CNTNAP2: variants seen among roughly 807,000 people sequenced by gnomAD.
The protein encoded by CNTNAP2 is contactin associated protein 2.
Under a neutral mutation model 155.2 loss-of-function variants are expected in CNTNAP2, and 98 were observed. The observed-to-expected ratio is 0.63, with a 90% CI of 0.54 to 0.75. CNTNAP2 has a LOEUF of 0.75. CNTNAP2 is among the 30% of genes least tolerant of loss of function. CNTNAP2 has a pLI of 0.00. For synonymous variants in CNTNAP2, 651 were observed against 631.2 expected (o/e 1.03, Z -0.47); for missense variants, 1,727 against 1,688.1 (o/e 1.02, Z -0.40).
intron 8 of CNTNAP2, among the ~76,000 whole-genome samples, chr7:147,145,415 A>G (rs1801682732): frequency 1.3e-5 from 2 of 152,104 alleles, no homozygotes; most frequent in Non-Finnish European, 2.9e-5. Context: ...AAAGCACAGG[A>G]CAATACCTAC....
At chr7:147,198,946 A>G (rs1361307977) in intron 8 of CNTNAP2, among the ~76,000 whole-genome samples, 2 of 150,812 alleles carry the variant, frequency 1.3e-5, no homozygotes, top group Non-Finnish European at 3.0e-5. Flanking sequence ...TAACTAGCTA[A>G]TCAAAGGACT....
chr7:146,532,675 C>T (rs1229586797), intron 1 of CNTNAP2, among the ~76,000 whole-genome samples: 1 of 152,062 alleles, frequency 6.6e-6, no homozygotes, highest in Non-Finnish European at 1.5e-5. Context: ...ATTTAACTTC[C>T]TCTTACTAAC....
intron 15 of CNTNAP2, among the ~76,000 whole-genome samples, chr7:147,989,218 G>A (rs545521274): frequency 5.9e-5 from 9 of 152,322 alleles, no homozygotes; most frequent in Non-Finnish European, 1.0e-4. Flanking sequence ...AACAGGCCAC[G>A]CTTAGGCCAG....
intron 15 of CNTNAP2, among the ~76,000 whole-genome samples, chr7:148,066,988 A>AT (rs1173215219): frequency 2.0e-5 from 3 of 151,524 alleles, no homozygotes; most frequent in Non-Finnish European, 4.4e-5. Context: ...TTCTCTAGAG[A>AT]TTTTTTTGTC....
intron 21 of CNTNAP2, among the ~76,000 whole-genome samples, chr7:148,283,308 G>GAAAGAAAGAAAGAAAGAAAGAAAGAAAGA (rs1563024795): frequency 1.1e-4 from 7 of 62,246 alleles, no homozygotes; most frequent in Admixed American, 1.8e-4. Flanking sequence ...AGAAAGAAAG[G>GAAAGAAAGAAAGAAAGAAAGAAAGAAAGA]AAGGAAGGAA....
At chr7:147,819,115 TA>T (rs1457784252) in intron 13 of CNTNAP2, among the ~76,000 whole-genome samples, 2 of 152,070 alleles carry the variant, frequency 1.3e-5, no homozygotes, top group African/African-American at 4.8e-5. Flanking sequence ...AAAGAAAGAG[TA>T]ATTCAACTTA....
intron 1 of CNTNAP2, among the ~76,000 whole-genome samples, chr7:146,412,652 G>T: frequency 6.6e-6 from 1 of 152,234 alleles, no homozygotes; most frequent in African/African-American, 2.4e-5. Flanking sequence ...ATTTCTTTTC[G>T]GTGCATATTA....
At chr7:146,519,927 T>C (rs1797593626) in intron 1 of CNTNAP2, among the ~76,000 whole-genome samples, 1 of 151,806 alleles carries the variant, frequency 6.6e-6, no homozygotes, top group Non-Finnish European at 1.5e-5. Flanking sequence ...TCAGGGAATT[T>C]TATGGGGGAA....
chr7:146,354,570 A>G (rs1794970555), intron 1 of CNTNAP2, among the ~76,000 whole-genome samples: 1 of 151,996 alleles, frequency 6.6e-6, no homozygotes, highest in African/African-American at 2.4e-5. Context: ...ACCTGCCACC[A>G]CGCCAGGCTA....
At chr7:146,302,554 A>G (rs1394227123) in intron 1 of CNTNAP2, among the ~76,000 whole-genome samples, 2 of 152,168 alleles carry the variant, frequency 1.3e-5, no homozygotes, top group African/African-American at 4.8e-5. Flanking sequence ...GAAAAAACTG[A>G]AGCAAAAAAG....
At chr7:146,461,517 CT>C (rs138123280) in intron 1 of CNTNAP2, among the ~76,000 whole-genome samples, 3,209 of 152,102 alleles carry the variant, frequency 0.021, 110 homozygotes, top group African/African-American at 0.072. Flanking sequence ...TTGTTTATTG[CT>C]TTGCAAAAAT....
At chr7:148,254,857 C>G in intron 20 of CNTNAP2, among the ~76,000 whole-genome samples, 1 of 151,624 alleles carries the variant, frequency 6.6e-6, no homozygotes, top group East Asian at 1.9e-4. Flanking sequence ...TTTTCAAAAG[C>G]GACTCTTCCT....
At chr7:147,907,343 A>G (rs1585022101) in intron 14 of CNTNAP2, among the ~76,000 whole-genome samples, 1 of 152,332 alleles carries the variant, frequency 6.6e-6, no homozygotes, top group Non-Finnish European at 1.5e-5. Context: ...GGCTTGAGCC[A>G]TCGCGCCCAG....
chr7:147,650,795 C>T (rs1795438639), intron 13 of CNTNAP2, among the ~76,000 whole-genome samples: 1 of 151,852 alleles, frequency 6.6e-6, no homozygotes, highest in African/African-American at 2.4e-5. Flanking sequence ...GTTTACTGGA[C>T]TTTTAAATAG....
chr7:147,424,936 A>T (rs574596326), intron 10 of CNTNAP2, among the ~76,000 whole-genome samples: 1 of 152,038 alleles, frequency 6.6e-6, no homozygotes, highest in African/African-American at 2.4e-5. Context: ...CCAGTCATTT[A>T]TCTTCATCTC....
intron 1 of CNTNAP2, among the ~76,000 whole-genome samples, chr7:146,526,949 TTAC>T (rs1797699641): frequency 6.6e-6 from 1 of 152,144 alleles, no homozygotes; most frequent in Non-Finnish European, 1.5e-5. Flanking sequence ...AGATGAAGTT[TTAC>T]TATATTGCCC....
intron 13 of CNTNAP2, among the ~76,000 whole-genome samples, chr7:147,851,920 A>T (rs1798950106): frequency 6.6e-6 from 1 of 151,070 alleles, no homozygotes; most frequent in Non-Finnish European, 1.5e-5. Context: ...AAATAATAAG[A>T]ATAATAATAA....
At chr7:146,549,773 T>C (rs1798086984) in intron 1 of CNTNAP2, among the ~76,000 whole-genome samples, 1 of 152,010 alleles carries the variant, frequency 6.6e-6, no homozygotes, top group African/African-American at 2.4e-5. Flanking sequence ...AGTAAAAGAT[T>C]GAAAGGACAT....
At chr7:146,429,189 C>A (rs1317259979) in intron 1 of CNTNAP2, among the ~76,000 whole-genome samples, 1 of 151,990 alleles carries the variant, frequency 6.6e-6, no homozygotes, top group Non-Finnish European at 1.5e-5. Flanking sequence ...GTTCTTTTTG[C>A]TTGTGATTGT....
Sources: allele counts gnomAD v4.1 joint callset (sites outside exome capture counted in the v4.1 genomes callset), GRCh38; gene constraint gnomAD v4.1.1; transcripts MANE v1.5; gene names NCBI Gene and HGNC (gene_info 2026-07-23, HGNC 2026-07-21).